PEX13: variants seen among roughly 807,000 people sequenced by gnomAD.
PEX13 encodes the protein peroxisome biogenesis factor 13.
PEX13 carries 28 observed loss-of-function variants against 34.5 expected under a neutral mutation model. The observed-to-expected ratio is 0.81, with a 90% CI of 0.60 to 1.11. The LOEUF is 1.11. Ranked by LOEUF, PEX13 falls within the 50% of genes most tolerant of loss-of-function variation. PEX13 has a pLI of 0.00. For synonymous variants in PEX13, 177 were observed against 175.1 expected, an observed-to-expected ratio of 1.01 and a Z score of -0.09; for missense variants, 550 against 491.0, an observed-to-expected ratio of 1.12 and a Z score of -1.13.
intron 2 of PEX13, among the ~76,000 whole-genome samples, chr2:61,033,230 T>C (rs1464719806): frequency 6.6e-6 from 1 of 152,140 alleles, no homozygotes; most frequent in Admixed American, 6.5e-5. Flanking sequence ...TTAATAGATA[T>C]TTATTAATTT....
chr2:61,028,062 G>A (rs1372000206), intron 1 of PEX13, among the ~76,000 whole-genome samples: 1 of 152,196 alleles, frequency 6.6e-6, no homozygotes, highest in African/African-American at 2.4e-5. Context: ...CAAATGAACA[G>A]TTGCTGAGGA....
At chr2:61,034,486 G>A (rs1680502707) in intron 2 of PEX13, among the ~76,000 whole-genome samples, 1 of 152,250 alleles carries the variant, frequency 6.6e-6, no homozygotes, top group African/African-American at 2.4e-5. Context: ...CAGAGGGCGA[G>A]CTGAAGCAGG....
chr2:61,027,841 A>G (rs1478497628), intron 1 of PEX13, among the ~76,000 whole-genome samples: 1 of 152,212 alleles, frequency 6.6e-6, no homozygotes. Flanking sequence ...GCACTGCACT[A>G]TCTGGCCGTT....
At chr2:61,030,258 A>C (rs558549145) in intron 1 of PEX13, among the ~76,000 whole-genome samples, 58 of 152,292 alleles carry the variant, frequency 3.8e-4, no homozygotes, top group African/African-American at 1.4e-3. Context: ...ATTTATTTGT[A>C]ATCTGAAAAT....
intron 1 of PEX13, among the ~76,000 whole-genome samples, chr2:61,028,184 A>C (rs1214856012): frequency 6.6e-6 from 1 of 152,224 alleles, no homozygotes; most frequent in East Asian, 1.9e-4. Flanking sequence ...CCAACTAATC[A>C]AATTTAGCTT....
intron 2 of PEX13, among the ~76,000 whole-genome samples, chr2:61,044,051 A>G (rs1303957459): frequency 2.0e-5 from 3 of 151,768 alleles, no homozygotes; most frequent in Non-Finnish European, 4.4e-5. Context: ...TTGGGCTCAC[A>G]TGATTCTCCC....
intron 1 of PEX13, among the ~76,000 whole-genome samples, chr2:61,029,139 C>CCA (rs1553423134): frequency 4.1e-4 from 54 of 130,392 alleles, no homozygotes; most frequent in African/African-American, 1.5e-3. Context: ...ACCCTGTCTC[C>CCA]AAAAAAAAAA....
intron 2 of PEX13, among the ~76,000 whole-genome samples, chr2:61,039,082 A>G (rs568530062): frequency 7.9e-5 from 12 of 152,354 alleles, no homozygotes; most frequent in Middle Eastern, 3.4e-3. Flanking sequence ...CCACTGCTCA[A>G]TGAAATAAAA....
rs544817238 is a variant in PEX13, at chr2:61,051,320, G to A, written c.*2550G>A. 9 of 152,380 alleles carry A rather than the reference G, an allele frequency of 5.9e-5. No homozygotes were observed. Among genetic ancestry groups the A allele is most frequent in the East Asian group, 5.6e-4 (3 of 5,330 alleles). 9.4% of individuals were successfully genotyped at this position (152,380 alleles called of 1,614,324 possible). ...GATAAAACAGATTATTAAATTTGGG[G>A]TTGAGATGTCTAAATTGAATGCTAG... On this transcript the variant is annotated 3_prime_UTR_variant, in exon 4 of 4. Transcript: ENST00000295030.
chr2:61,025,428 G>C (rs546094778), intron 1 of PEX13, among the ~76,000 whole-genome samples: 91 of 151,634 alleles, frequency 6.0e-4, no homozygotes, highest in African/African-American at 1.6e-3. Flanking sequence ...GTACAATCTC[G>C]GCTCACTACA....
rs777179456 is a variant in PEX13, at chr2:61,031,892, G to T, written c.566G>T (p.Arg189Leu). The change falls in exon 2 of 4, where the codon CGG becomes CTG. Residue 189 changes from arginine to leucine, a missense_variant. Arg to Leu is a moderately radical substitution (Grantham distance 102). Transcript: ENST00000295030. Reference sequence around the variant, plus strand: ...GCTTTTGCATTGGTTAGGACTATACGGTATCTTTACAGACGGCTACAGCGG... The same window carrying T: ...GCTTTTGCATTGGTTAGGACTATACTGTATCTTTACAGACGGCTACAGCGG... Reference protein sequence around the residue: ...FSAFALVRTIRYLYRRLQRML... With the variant: ...FSAFALVRTILYLYRRLQRML... The T allele has an allele frequency of 5.7e-5, 92 of 1,613,336 alleles. No homozygotes were observed. The South Asian group carries it at 9.9e-4, about 17-fold the overall frequency.
At chr2:61,028,915 G>T (rs183499669) in intron 1 of PEX13, among the ~76,000 whole-genome samples, 1 of 152,096 alleles carries the variant, frequency 6.6e-6, no homozygotes, top group Admixed American at 6.5e-5. Context: ...AAGTACAATG[G>T]CTCATGCCTG....
intron 1 of PEX13, 59 bp from the exon 2 acceptor site, chr2:61,031,360 A>T: frequency 8.0e-7 from 1 of 1,257,642 alleles, no homozygotes; most frequent in Non-Finnish European, 1.2e-6. Context: ...TTTAATACTT[A>T]CTTTGAATTG....
At chr2:61,046,615 G>A (rs1214995920) in intron 3 of PEX13, among the ~76,000 whole-genome samples, 2 of 152,074 alleles carry the variant, frequency 1.3e-5, no homozygotes, top group South Asian at 2.1e-4. Context: ...CGGTGAAGTG[G>A]TACTATTATT....
At chr2:61,034,815 A>G (rs1680508954) in intron 2 of PEX13, among the ~76,000 whole-genome samples, 2 of 152,258 alleles carry the variant, frequency 1.3e-5, no homozygotes, top group South Asian at 4.1e-4. Flanking sequence ...AGTAGCCCAG[A>G]AGCTCGAACT....
At chr2:61,017,997 G>C in intron 1 of PEX13, 146 bp downstream of exon 1, 1 of 1,323,444 alleles carries the variant, frequency 7.6e-7, no homozygotes, top group Non-Finnish European at 1.0e-6. Flanking sequence ...AGGTGGAGCT[G>C]GGGCGCTTAC....
At chr2:61,025,228 C>G (rs924151530) in intron 1 of PEX13, among the ~76,000 whole-genome samples, 7 of 151,870 alleles carry the variant, frequency 4.6e-5, no homozygotes, top group Non-Finnish European at 1.0e-4. Context: ...GCCACTGCAC[C>G]CAGCTAATTT....
intron 2 of PEX13, among the ~76,000 whole-genome samples, chr2:61,038,860 T>C (rs1384296794): frequency 6.6e-6 from 1 of 152,168 alleles, no homozygotes; most frequent in Non-Finnish European, 1.5e-5. Flanking sequence ...GAAAACCCCA[T>C]TGTGTCAGCC....
At chr2:61,039,213 C>T (rs1020396609) in intron 2 of PEX13, among the ~76,000 whole-genome samples, 1 of 152,094 alleles carries the variant, frequency 6.6e-6, no homozygotes, top group African/African-American at 2.4e-5. Flanking sequence ...CAAGCTACCA[C>T]TGACTTTCTT....
Sources: allele counts gnomAD v4.1 joint callset (sites outside exome capture counted in the v4.1 genomes callset), GRCh38; gene constraint gnomAD v4.1.1; transcripts MANE v1.5; gene names NCBI Gene and HGNC (gene_info 2026-07-23, HGNC 2026-07-21).